Variants in RFX8 observed in about 807,000 individuals in gnomAD.
The protein encoded by RFX8 is regulatory factor X8.
Under a neutral mutation model 54.6 loss-of-function variants are expected in RFX8, and 46 were observed. The observed-to-expected ratio is 0.84, with a 90% confidence interval of 0.67 to 1.08. The LOEUF is 1.08. RFX8 is among the 50% of genes least tolerant of loss of function. The pLI is 0.00. For missense variants in RFX8, 536 were observed against 562.3 expected (o/e 0.95, Z 0.47); for synonymous variants, 192 against 209.5 (o/e 0.92, Z 0.72).
Position 101,460,390 on chromosome 2 carries a change from T to C in RFX8, c.72+6387A>G, listed in dbSNP as rs187072003. 4.0e-3 allele frequency among the ~76,000 whole-genome samples: 607 copies of C among 152,260 alleles called. 2 individuals are homozygous for C. Among genetic ancestry groups the C allele is most frequent in the South Asian group, 0.014 (65 of 4,814 alleles). On this transcript the variant is annotated intron_variant, in intron 2 of 11. Coordinates refer to ENST00000428343, the MANE Select transcript of RFX8 (RefSeq NM_001145664.2). ...CGGCCATCTTGGAAGCCAGACCCCA[T>C]TTTCACTTTTTATTATCCATTTGTT...
chr2:101,445,726 G>T lies in RFX8; in HGVS notation c.72+21051C>A, dbSNP rs1295345168. Among the ~76,000 whole-genome samples, 5 of 151,930 alleles carry T rather than the reference G, an allele frequency of 3.3e-5. No individual in the cohort carries two copies. The South Asian group carries it at 1.0e-3, about 32-fold the overall frequency. ...ATTACAGGCAGGAGCCACTATGCCT[G>T]GTCTATTGTCCTTTTTTATTCTTTT... On this transcript the variant is annotated intron_variant, in intron 2 of 11. Coordinates refer to ENST00000428343, the MANE Select transcript of RFX8 (RefSeq NM_001145664.2).
intron 2 of RFX8, among the ~76,000 whole-genome samples, chr2:101,446,377 T>C (rs751077474): frequency 1.6e-4 from 25 of 152,144 alleles, no homozygotes; most frequent in Admixed American, 6.5e-5. Context: ...GGCTTCAGTA[T>C]GTTGGCCAGG....
intron 2 of RFX8, among the ~76,000 whole-genome samples, chr2:101,458,274 G>A (rs1375736335): frequency 2.6e-5 from 4 of 152,096 alleles, no homozygotes; most frequent in African/African-American, 9.7e-5. Flanking sequence ...TGGTTATTTT[G>A]CCCACTAATT....
chr2:101,439,803 C>T (rs891280826), intron 2 of RFX8, among the ~76,000 whole-genome samples: 2 of 151,902 alleles, frequency 1.3e-5, no homozygotes, highest in Admixed American at 6.6e-5. Flanking sequence ...ACCTCCACCT[C>T]CTGGGTTCAA....
At chr2:101,436,358 C>T (rs1687782050) in intron 2 of RFX8, among the ~76,000 whole-genome samples, 2 of 152,142 alleles carry the variant, frequency 1.3e-5, no homozygotes, top group Non-Finnish European at 2.9e-5. Flanking sequence ...CTTTCCTTAA[C>T]ACGAGGTCCA....
At chr2:101,452,447 C>A in intron 2 of RFX8, 1 of 1,339,736 alleles carries the variant, frequency 7.5e-7, no homozygotes, top group Admixed American at 3.7e-5. Context: ...ATCTCACAAG[C>A]TAAAAGAATA....
intron 5 of RFX8, among the ~76,000 whole-genome samples, chr2:101,417,999 C>T (rs1686634739): frequency 6.6e-6 from 1 of 152,116 alleles, no homozygotes; most frequent in Non-Finnish European, 1.5e-5. Context: ...CAAGCGATTC[C>T]CTACCTCAGC....
At chr2:101,437,218 T>C (rs952762591) in intron 2 of RFX8, among the ~76,000 whole-genome samples, 4 of 152,060 alleles carry the variant, frequency 2.6e-5, no homozygotes, top group Non-Finnish European at 5.9e-5. Context: ...GGCAGGAGCA[T>C]CACTTAAGCC....
Position 101,415,228 on chromosome 2 carries a change from G to A in RFX8, c.503-316C>T, listed in dbSNP as rs575605329. Among the ~76,000 whole-genome samples the A allele has an allele frequency of 2.6e-5, 4 of 152,280 alleles. No individual in the cohort carries two copies. The East Asian group carries it at 7.7e-4, about 29-fold the overall frequency. On this transcript the variant is annotated intron_variant, in intron 6 of 11. Coordinates refer to ENST00000428343, the MANE Select transcript of RFX8 (RefSeq NM_001145664.2). The stretch of plus-strand genomic sequence containing the variant: ...CCCCATTGTGATGGTGTTAGGAAGT[G>A]GGGCCTTGGGGAGGTGATGAGGCCC...
intron 2 of RFX8, among the ~76,000 whole-genome samples, chr2:101,437,811 T>C (rs66839412): frequency 3.6e-4 from 4 of 11,034 alleles, no homozygotes; most frequent in South Asian, 4.0e-3. Flanking sequence ...TTTACTTAAA[T>C]TCATTTGTGT....
chr2:101,440,080 T>C (rs892462176), intron 2 of RFX8, among the ~76,000 whole-genome samples: 1 of 147,808 alleles, frequency 6.8e-6, no homozygotes, highest in Admixed American at 6.9e-5. Flanking sequence ...CGCTTGTCTA[T>C]GTCTACAAGA....
At chr2:101,450,581 G>A (rs1410640160) in intron 2 of RFX8, 1 of 1,370,506 alleles carries the variant, frequency 7.3e-7, no homozygotes. Context: ...GTGCCAAAAT[G>A]ATAGCTACTA....
At chr2:101,423,382 G>A (rs1686981344) in intron 2 of RFX8, among the ~76,000 whole-genome samples, 1 of 152,086 alleles carries the variant, frequency 6.6e-6, no homozygotes, top group East Asian at 1.9e-4. Context: ...TCCCCTCTGG[G>A]CATGGGGAGG....
At chr2:101,472,510 A>G (rs1013087847) in intron 1 of RFX8, among the ~76,000 whole-genome samples, 7 of 100,746 alleles carry the variant, frequency 6.9e-5, no homozygotes, top group African/African-American at 1.5e-4. Context: ...CCACCCCCCA[A>G]CCTTGAAGAG....
At position 101,474,281 on chromosome 2, in the gene RFX8, G is replaced by A. The variant is rs1390869475; in HGVS notation, c.-53+355C>T. 6 of 558,302 alleles carry A rather than the reference G, an allele frequency of 1.1e-5. No individual in the cohort carries two copies. In the East Asian group the frequency reaches 1.7e-4, roughly 16 times the overall value. The allele number at this position is 558,302 out of a possible 1,614,324, so 34.6% of individuals were successfully genotyped here. A position where few individuals can be genotyped will look rare whatever the true frequency, so the allele number is the denominator to read the frequency against. The stretch of plus-strand genomic sequence containing the variant: ...GCCGGCACCCCCTCGGCCATGGCTC[G>A]GCCCCGGGCCTGCAGCACCGAGGCA... On this transcript the variant is annotated intron_variant, in intron 1 of 11. Coordinates refer to ENST00000428343, the MANE Select transcript of RFX8 (RefSeq NM_001145664.2).
At chr2:101,470,608 C>T (rs1009178222) in intron 1 of RFX8, among the ~76,000 whole-genome samples, 14 of 151,808 alleles carry the variant, frequency 9.2e-5, no homozygotes, top group East Asian at 1.9e-4. Flanking sequence ...ATCTTGAGAC[C>T]GTTCATGATG....
At chr2:101,404,668 C>T (rs150355669) in intron 10 of RFX8, among the ~76,000 whole-genome samples, 153 of 152,076 alleles carry the variant, frequency 1.0e-3, no homozygotes, top group Admixed American at 1.8e-3. Context: ...CTCAAGAGAT[C>T]TGTGTCCCTC....
At chr2:101,458,621 T>G (rs1689109857) in intron 2 of RFX8, among the ~76,000 whole-genome samples, 3 of 152,214 alleles carry the variant, frequency 2.0e-5, no homozygotes, top group African/African-American at 7.2e-5. Context: ...AACTCGACCT[T>G]TCTCTCTGTC....
intron 2 of RFX8, among the ~76,000 whole-genome samples, chr2:101,450,172 C>A (rs1688600563): frequency 6.6e-6 from 1 of 152,068 alleles, no homozygotes; most frequent in South Asian, 2.1e-4. Flanking sequence ...ACCAAAAAGT[C>A]AGTTAGATAC....
Sources: allele counts gnomAD v4.1 joint callset (sites outside exome capture counted in the v4.1 genomes callset), GRCh38; gene constraint gnomAD v4.1.1; transcripts MANE v1.5; gene names NCBI Gene and HGNC (gene_info 2026-07-23, HGNC 2026-07-21).